Variants in PTP4A3 observed in about 807,000 individuals in gnomAD.
PTP4A3 encodes the protein protein tyrosine phosphatase type IVA 3.
In PTP4A3, 9 loss-of-function variants were observed where a neutral mutation model predicts 15.2. That is an observed-to-expected ratio of 0.59 (90% confidence interval 0.36 to 1.03). The LOEUF (loss-of-function observed/expected upper bound fraction) is 1.03, where lower values mean the gene tolerates loss of function less well. Ranked by LOEUF, PTP4A3 falls within the 50% of genes least tolerant of loss-of-function variation. The probability of loss-of-function intolerance (pLI) is 0.02; values close to 1 mark genes in which losing one functional copy is unlikely to be tolerated. For synonymous variants in PTP4A3, 95 were observed against 102.0 expected, an observed-to-expected ratio of 0.93 and a Z score of 0.41; for missense variants, 234 against 252.1, an observed-to-expected ratio of 0.93 and a Z score of 0.49.
Position 141,431,264 on chromosome 8 carries a change from A to C in PTP4A3, c.*220A>C. 4 of 559,224 alleles carry C rather than the reference A, an allele frequency of 7.2e-6. No homozygotes were observed. Among genetic ancestry groups the C allele is most frequent in the South Asian group, 2.4e-5 (1 of 42,406 alleles). 34.6% of individuals were successfully genotyped at this position (559,224 alleles called of 1,614,324 possible). Reference sequence around the variant, plus strand: ...CTGGGCCCTTTCTCCTGTCTCCGCCACTCCCTCTGGCGGCGCTGGCCGTGG... The same window carrying C: ...CTGGGCCCTTTCTCCTGTCTCCGCCCCTCCCTCTGGCGGCGCTGGCCGTGG... On this transcript the variant is annotated 3_prime_UTR_variant, in exon 6 of 6. Transcript: ENST00000521578.
intron 5 of PTP4A3, 134 bp from the exon 6 acceptor site, chr8:141,430,792 TG>T: frequency 1.3e-6 from 1 of 775,014 alleles, no homozygotes; most frequent in South Asian, 1.5e-5. Context: ...GCCAAGGCCC[TG>T]GGACAGGAGG....
chr8:141,404,334 T>C (rs1047375661), intron 1 of PTP4A3, among the ~76,000 whole-genome samples: 1 of 152,240 alleles, frequency 6.6e-6, no homozygotes, highest in Non-Finnish European at 1.5e-5. Flanking sequence ...TCTCCCCCTT[T>C]CAGGGGGTTG....
Position 141,394,738 on chromosome 8 carries a change from C to G in PTP4A3, c.-854+2654C>G, listed in dbSNP as rs191875964. On this transcript the variant is annotated intron_variant, in intron 1 of 5. Coordinates refer to ENST00000521578, the MANE Select transcript of PTP4A3 (RefSeq NM_032611.3). ...CCTCCTTCTGACCTGGACCGGCTCG[C>G]AGGACCCATAGGCAGGGACCTGGGC... is the stretch of plus-strand genomic sequence containing the variant. Among the ~76,000 whole-genome samples, 149 of 152,366 alleles carry G rather than the reference C, an allele frequency of 9.8e-4. 3 individuals carry two copies. Among genetic ancestry groups the G allele is most frequent in the African/African-American group, 3.4e-3 (141 of 41,592 alleles).
intron 5 of PTP4A3, 73 bp downstream of exon 5, chr8:141,427,897 C>A (rs954525632): frequency 2.2e-6 from 3 of 1,385,200 alleles, no homozygotes; most frequent in Non-Finnish European, 3.0e-6. Flanking sequence ...CGAAGGGTGG[C>A]GGCATTGGCT....
chr8:141,395,391 G>A (rs1373795942), intron 1 of PTP4A3, among the ~76,000 whole-genome samples: 4 of 152,328 alleles, frequency 2.6e-5, no homozygotes, highest in Admixed American at 6.5e-5. Flanking sequence ...CGCCAGGCAC[G>A]TGCCACTCAG....
At chr8:141,428,125 AC>A (rs1833674871) in intron 5 of PTP4A3, among the ~76,000 whole-genome samples, 1 of 151,518 alleles carries the variant, frequency 6.6e-6, no homozygotes, top group South Asian at 2.1e-4. Context: ...GGGTGGAAGG[AC>A]CCCCAGAGCC....
intron 1 of PTP4A3, among the ~76,000 whole-genome samples, chr8:141,401,117 C>T (rs1832579985): frequency 6.6e-6 from 1 of 152,166 alleles, no homozygotes; most frequent in African/African-American, 2.4e-5. Flanking sequence ...TCACCCAGGG[C>T]ACATCCTTAA....
chr8:141,419,571 G>GT lies in PTP4A3; in HGVS notation c.-853-1800dup, dbSNP rs66940476. 3.6e-3 allele frequency among the ~76,000 whole-genome samples: 477 copies of GT among 132,142 alleles called. 6 individuals carry two copies. The highest frequency in any genetic ancestry group is 0.012 in the South Asian group (51 of 4,120). The allele number at this position is 132,142 out of a possible 152,430, so 86.7% of individuals were successfully genotyped here. A position where few individuals can be genotyped will look rare whatever the true frequency, so the allele number is the denominator to read the frequency against. On this transcript the variant is annotated intron_variant, in intron 1 of 5. Transcript: ENST00000521578. ...TTCTGGGGGTCCCACCCCACCACCGGTTTTTTTTTTTTTTTTTGAGACGGA... is the reference window on the plus strand; with the variant it reads ...TTCTGGGGGTCCCACCCCACCACCGGTTTTTTTTTTTTTTTTTTGAGACGGA...
chr8:141,421,821 A>G lies in PTP4A3; in HGVS notation c.-420A>G. On this transcript the variant is annotated 5_prime_UTR_variant, in exon 2 of 6. Transcript: ENST00000521578. ...CCCGGTGTGGGGTCCAGCTCTGGAC[A>G]CTGCTTGGCGGCCGGGTTCACTTTG... The G allele has an allele frequency of 5.6e-6, 1 of 179,932 alleles. No homozygotes were observed. The allele number at this position is 179,932 out of a possible 1,614,324, so 11.1% of individuals were successfully genotyped here.
At chr8:141,424,182 C>G (rs543680124) in intron 2 of PTP4A3, among the ~76,000 whole-genome samples, 1 of 152,136 alleles carries the variant, frequency 6.6e-6, no homozygotes, top group South Asian at 2.1e-4. Context: ...CTCTGTGTTC[C>G]AGGTCCCTGT....
Position 141,430,934 on chromosome 8 carries a change from C to A in PTP4A3, c.412C>A (p.Arg138Ser). The change falls in exon 6 of 6, where the codon CGC (arginine) becomes AGC (serine). Residue 138 changes from arginine to serine, a missense_variant. Transcript: ENST00000521578. ...CTGTTCCCCTCTTCCCAGGAAGCGC[C>A]GCGGAGCCATCAACAGCAAGCAGCT... ...DAIQFIRQKR[R>S]GAINSKQLTY... The A allele has an allele frequency of 6.8e-6, 11 of 1,613,156 alleles. No individual in the cohort carries two copies. The highest frequency in any genetic ancestry group is 9.3e-6 in the Non-Finnish European group (11 of 1,179,938).
In PTP4A3 at chr8:141,425,407, G is replaced by A. The variant is rs1208585108; in HGVS notation, c.198+267G>A. On this transcript the variant is annotated intron_variant, in intron 3 of 5. Coordinates refer to ENST00000521578, the MANE Select transcript of PTP4A3 (RefSeq NM_032611.3). The surrounding 1 kb of genome is among the most constrained non-coding windows in gnomAD (Gnocchi z 4.2). ...GCCAGGCAGGGGTGGCACATGCTTG[G>A]TGCATCGGCCAAGGTGGCGGGTGGG... Among the ~76,000 whole-genome samples the A allele has an allele frequency of 6.6e-6, 1 of 152,146 alleles. No homozygotes were observed. The highest frequency in any genetic ancestry group is 1.9e-4 in the East Asian group (1 of 5,184).
intron 4 of PTP4A3, 114 bp downstream of exon 4, chr8:141,427,183 G>A (rs1833616857): frequency 6.8e-7 from 1 of 1,460,844 alleles, no homozygotes; most frequent in Non-Finnish European, 9.2e-7. Context: ...ACCTTCCCAG[G>A]AGGCCCATGC....
chr8:141,428,835 CACAT>C (rs895943934), intron 5 of PTP4A3, among the ~76,000 whole-genome samples: 1 of 152,216 alleles, frequency 6.6e-6, no homozygotes, highest in Admixed American at 6.5e-5. Context: ...TGAACACAGG[CACAT>C]ACAGACAAGC....
intron 2 of PTP4A3, 92 bp downstream of exon 2, chr8:141,422,437 G>A (rs1833379067): frequency 7.3e-7 from 1 of 1,365,542 alleles, no homozygotes; most frequent in South Asian, 1.2e-5. Context: ...GGGGTCCCCA[G>A]CCCCGGCTGG....
chr8:141,420,646 C>G (rs1003810197), intron 1 of PTP4A3, among the ~76,000 whole-genome samples: 2 of 152,226 alleles, frequency 1.3e-5, no homozygotes, highest in African/African-American at 4.8e-5. Flanking sequence ...CGTGTTCTGT[C>G]CCCGCCTCCC....
chr8:141,405,523 C>T (rs1325694629), intron 1 of PTP4A3, among the ~76,000 whole-genome samples: 5 of 152,244 alleles, frequency 3.3e-5, no homozygotes, highest in Non-Finnish European at 5.9e-5. Flanking sequence ...TTCCTTTCTT[C>T]ATCCTCAGCA....
In PTP4A3 at chr8:141,422,265, C is replaced by T. The variant is rs1833368173; in HGVS notation, c.25C>T (p.Pro9Ser). MARMNRPA[P>S]VEVSYKHMRF... ...CATGGCTCGGATGAACCGCCCGGCC[C>T]CGGTGGAGGTGAGCTACAAACACAT... The change falls in exon 2 of 6, where the codon CCG becomes TCG. Residue 9 changes from proline to serine, a missense_variant. Pro to Ser is a moderately conservative substitution (Grantham distance 74). Transcript: ENST00000521578. The T allele has an allele frequency of 1.9e-6, 3 of 1,613,064 alleles. No homozygotes were observed. Among genetic ancestry groups the T allele is most frequent in the Non-Finnish European group, 2.5e-6 (3 of 1,179,994 alleles).
rs141601911 is a variant in PTP4A3 at position 141,405,507 on chromosome 8, C to T, written c.-854+13423C>T. ...TTGGGTGAGAAGGAATGGCTGCGGGCGGGTCTTCCTTTCTTCATCCTCAGC... is the reference window on the plus strand; with the variant it reads ...TTGGGTGAGAAGGAATGGCTGCGGGTGGGTCTTCCTTTCTTCATCCTCAGC... On this transcript the variant is annotated intron_variant, in intron 1 of 5. Transcript: ENST00000521578. Among the ~76,000 whole-genome samples, 51 of 152,316 alleles carry T rather than the reference C, an allele frequency of 3.3e-4. 1 individual carries two copies. The Middle Eastern group carries it at 0.01, about 30-fold the overall frequency.
Sources: allele counts gnomAD v4.1 joint callset (sites outside exome capture counted in the v4.1 genomes callset), GRCh38; gene constraint gnomAD v4.1.1; non-coding constraint Gnocchi (gnomAD v3.1); transcripts MANE v1.5; gene names NCBI Gene and HGNC (gene_info 2026-07-23, HGNC 2026-07-21).